Variants in PPP1R3F observed in about 807,000 individuals in gnomAD.
PPP1R3F encodes the protein protein phosphatase 1 regulatory subunit 3F, also known as protein phosphatase 1, regulatory (inhibitor) subunit 3F.
A neutral mutation model predicts 24.2 loss-of-function variants in PPP1R3F; 29 were observed. The observed-to-expected ratio is 1.20, with a 90% CI of 0.89 to 1.63. The LOEUF (loss-of-function observed/expected upper bound fraction) is 1.63. Ranked by LOEUF, PPP1R3F falls within the 40% of genes most tolerant of loss-of-function variation. The pLI, the probability that PPP1R3F is intolerant of heterozygous loss-of-function variation, is 0.00. For missense variants in PPP1R3F, 823 were observed against 729.3 expected (o/e 1.13, Z -1.48); for synonymous variants, 363 against 340.1 (o/e 1.07, Z -0.74).
chrX:49,281,690 T>C (rs1602710339), intron 2 of PPP1R3F, among the ~76,000 whole-genome samples: 1 of 106,921 alleles, frequency 9.4e-6, no homozygotes, highest in Non-Finnish European at 1.9e-5. Flanking sequence ...AAGACGGGCA[T>C]GCTGGCATGC....
At chrX:49,291,290 C>CTT (rs2066307616), downstream of PPP1R3F, among the ~76,000 whole-genome samples, 1 of 60,092 alleles carries the variant, frequency 1.7e-5, no homozygotes, top group African/African-American at 8.6e-5. Flanking sequence ...GCCTACTTTT[C>CTT]TCTCTCTCTC....
In PPP1R3F at chrX:49,270,527, C is replaced by T; in HGVS notation, c.658C>T (p.Pro220Ser). The change falls in exon 1 of 4, where the codon CCG becomes TCG. Residue 220 changes from proline to serine, a missense_variant. Transcript: ENST00000055335. Reference protein sequence around the residue: ...GTGAGDPILDPGLGLGPGQAS... With the variant: ...GTGAGDPILDSGLGLGPGQAS... ...AGGAGCAGGAGATCCCATCCTGGATCCGGGGCTCGGCCTGGGTCCCGGCCA... is the reference window on the plus strand; with the variant it reads ...AGGAGCAGGAGATCCCATCCTGGATTCGGGGCTCGGCCTGGGTCCCGGCCA... The T allele has an allele frequency of 5.8e-6, 7 of 1,205,381 alleles. No individual in the cohort carries two copies. The highest frequency in any genetic ancestry group is 7.8e-6 in the Non-Finnish European group (7 of 894,694).
downstream of PPP1R3F, among the ~76,000 whole-genome samples, chrX:49,292,957 C>T (rs942916345): frequency 3.6e-5 from 4 of 112,067 alleles, no homozygotes; most frequent in Non-Finnish European, 7.5e-5. Context: ...AGGATGGATG[C>T]GGCCACCTCA....
At chrX:49,289,252 TA>T (rs2066302030), downstream of PPP1R3F, among the ~76,000 whole-genome samples, 1 of 111,769 alleles carries the variant, frequency 8.9e-6, no homozygotes, top group African/African-American at 3.3e-5. Context: ...ACCTTAAAAT[TA>T]GGAATGTCCA....
At chrX:49,277,285 T>C (rs1023369562) in intron 1 of PPP1R3F, among the ~76,000 whole-genome samples, 2 of 112,651 alleles carry the variant, frequency 1.8e-5, no homozygotes, top group Middle Eastern at 4.6e-3. Context: ...CCATTGTGTT[T>C]CCTGATGGCC....
rs1288708289 is a variant in PPP1R3F at position 49,269,848 on chromosome X, C to CGGT, written c.-20_-18dup. On this transcript the variant is annotated 5_prime_UTR_variant, in exon 1 of 4. Transcript: ENST00000055335. ...CCGCCGGTCCCGCCGCCGGTGCCGTCGGTGCCGCCGCCGCCGCCGATATGG... is the reference window on the plus strand; with the variant it reads ...CCGCCGGTCCCGCCGCCGGTGCCGTCGGTGGTGCCGCCGCCGCCGCCGATATGG... 4.3e-5 allele frequency: 38 copies of CGGT among 879,897 alleles called. No homozygotes were observed. Among genetic ancestry groups the CGGT allele is most frequent in the African/African-American group, 1.7e-4 (8 of 46,838 alleles). The allele number at this position is 879,897 out of a possible 1,213,427, so 72.5% of individuals were successfully genotyped here.
intron 1 of PPP1R3F, among the ~76,000 whole-genome samples, chrX:49,272,029 C>T (rs782472804): frequency 8.9e-6 from 1 of 112,567 alleles, no homozygotes; most frequent in South Asian, 3.6e-4. Context: ...ATACATTTCC[C>T]TGTTCCTGGG....
chrX:49,272,568 C>T (rs1295314170), intron 1 of PPP1R3F, among the ~76,000 whole-genome samples: 1 of 112,966 alleles, frequency 8.9e-6, no homozygotes, highest in Non-Finnish European at 1.9e-5. Flanking sequence ...CTGGATTCCT[C>T]TCCTAAATTC....
rs782081188 is a variant in PPP1R3F at position 49,286,670 on chromosome X, T to C, written c.1980T>C (p.Ala660=). The change falls in exon 4 of 4, where the codon GCT becomes GCC. Residue 660 remains alanine (A), a synonymous_variant. Coordinates refer to ENST00000055335, the MANE Select transcript of PPP1R3F (RefSeq NM_033215.5). ...TSSLHMNRVI[A]GVTESLGEAG... is the part of the protein sequence containing the mutation. ...CTTTGCACATGAATAGGGTGATAGC[T>C]GGGGTGACTGAGTCCCTGGGGGAGG... 4.1e-6 allele frequency: 5 copies of C among 1,209,900 alleles called. No individual in the cohort carries two copies. Among genetic ancestry groups the C allele is most frequent in the Middle Eastern group, 2.3e-4 (1 of 4,352 alleles).
chrX:49,286,072 T>C lies in PPP1R3F; in HGVS notation c.1382T>C (p.Val461Ala). Reference sequence around the variant, plus strand: ...CAGCAGGCAGAGGCCACATGGGGAGTATCGAGTGAGAATGGAGGGGGGCTG... The same window carrying C: ...CAGCAGGCAGAGGCCACATGGGGAGCATCGAGTGAGAATGGAGGGGGGCTG... ...SQQQAEATWGVSSENGGGLEA... is the reference protein window; with the variant it reads ...SQQQAEATWGASSENGGGLEA... The change falls in exon 4 of 4, where the codon GTA (valine) becomes GCA (alanine). Residue 461 changes from valine to alanine, a missense_variant. Physicochemically the swap from Val to Ala is moderately conservative, Grantham distance 64 (BLOSUM62 0). Coordinates refer to ENST00000055335, the MANE Select transcript of PPP1R3F (RefSeq NM_033215.5). 8.5e-7 allele frequency: 1 copy of C among 1,170,016 alleles called. No homozygotes were observed. The highest frequency in any genetic ancestry group is 1.1e-6 in the Non-Finnish European group (1 of 872,894).
intron 3 of PPP1R3F, 61 bp from the exon 4 acceptor site, chrX:49,285,773 C>G (rs1172744609): frequency 9.5e-7 from 1 of 1,054,454 alleles, no homozygotes; most frequent in Non-Finnish European, 1.2e-6. Flanking sequence ...CTTGTTCCAT[C>G]CCCTCCTCTG....
intron 3 of PPP1R3F, among the ~76,000 whole-genome samples, chrX:49,282,984 G>T (rs1444191357): frequency 9.3e-6 from 1 of 107,598 alleles, no homozygotes; most frequent in Non-Finnish European, 1.9e-5. Context: ...GGTAGGTAGG[G>T]GAGGTAGAGA....
Position 49,269,851 on chromosome X carries a change from T to TGCC in PPP1R3F, c.-5_-3dup, listed in dbSNP as rs1212168690. ...CCGGTCCCGCCGCCGGTGCCGTCGG[T>TGCC]GCCGCCGCCGCCGCCGATATGGCGC... On this transcript the variant is annotated 5_prime_UTR_variant, in exon 1 of 4. Transcript: ENST00000055335. 75 of 879,973 alleles carry TGCC rather than the reference T, an allele frequency of 8.5e-5. 1 individual carries two copies. Among genetic ancestry groups the TGCC allele is most frequent in the Admixed American group, 3.3e-4 (5 of 15,344 alleles). The allele number at this position is 879,973 out of a possible 1,213,427, so 72.5% of individuals were successfully genotyped here. A position where few individuals can be genotyped will look rare whatever the true frequency, so the allele number is the denominator to read the frequency against.
rs1189106356 is a variant in PPP1R3F at position 49,287,277 on chromosome X, A to G, written c.*187A>G. The stretch of plus-strand genomic sequence containing the variant: ...GATGAGGGAACGGGTAGATGGTGTG[A>G]GTGAGGGGAACTTTTAGAGTGGAAC... On this transcript the variant is annotated 3_prime_UTR_variant, in exon 4 of 4. Transcript: ENST00000055335. The G allele has an allele frequency of 2.3e-6, 1 of 435,149 alleles. No individual in the cohort carries two copies. The highest frequency in any genetic ancestry group is 4.4e-5 in the Admixed American group (1 of 22,806). The allele number at this position is 435,149 out of a possible 1,213,427, so 35.9% of individuals were successfully genotyped here. A position where few individuals can be genotyped will look rare whatever the true frequency, so the allele number is the denominator to read the frequency against.
At chrX:49,273,354 C>T (rs1181566587) in intron 1 of PPP1R3F, 1 of 112,117 alleles carries the variant, frequency 8.9e-6, no homozygotes, top group Non-Finnish European at 1.9e-5. Flanking sequence ...GGGTGTTTTT[C>T]TTTTAACATA....
At chrX:49,294,367 AT>A (rs1332308071) in intron 3 of PPP1R3F, among the ~76,000 whole-genome samples, 1 of 107,378 alleles carries the variant, frequency 9.3e-6, no homozygotes, top group Non-Finnish European at 1.9e-5. Flanking sequence ...CTACAGACAC[AT>A]GTGCCACCAC....
In PPP1R3F at chrX:49,286,427, T is replaced by C; in HGVS notation, c.1737T>C (p.Gly579=). Reference sequence around the variant, plus strand: ...AAGACCCTGATGATGAAGGGGAGGGTGAAGAGGGGCTCTCTGTCACACCCT... The same window carrying C: ...AAGACCCTGATGATGAAGGGGAGGGCGAAGAGGGGCTCTCTGTCACACCCT... ...DTEDPDDEGE[G]EEGLSVTPSS... is the part of the protein sequence containing the mutation. The change falls in exon 4 of 4, where the codon GGT becomes GGC. Residue 579 remains glycine, a synonymous_variant. Coordinates refer to ENST00000055335, the MANE Select transcript of PPP1R3F (RefSeq NM_033215.5). 2 of 1,186,003 alleles carry C rather than the reference T, an allele frequency of 1.7e-6. No individual in the cohort carries two copies. Among genetic ancestry groups the C allele is most frequent in the Non-Finnish European group, 2.3e-6 (2 of 880,715 alleles).
At chrX:49,284,206 A>G (rs1343383851) in intron 3 of PPP1R3F, among the ~76,000 whole-genome samples, 1 of 111,180 alleles carries the variant, frequency 9.0e-6, no homozygotes, top group Non-Finnish European at 1.9e-5. Flanking sequence ...GAGATGGGCT[A>G]CTCTGTCCTT....
chrX:49,282,458 T>C (rs1315435947), intron 3 of PPP1R3F, among the ~76,000 whole-genome samples: 1 of 102,974 alleles, frequency 9.7e-6, no homozygotes, highest in African/African-American at 3.6e-5. Context: ...TGTGTGTGTG[T>C]GTGTGTGTGT....
Sources: gnomAD v4.1 joint callset for allele counts (sites outside exome capture counted in the v4.1 genomes callset) on GRCh38, gnomAD v4.1.1 for gene constraint, MANE v1.5 for transcripts, NCBI Gene and HGNC (gene_info 2026-07-23, HGNC 2026-07-21) for gene names.